The following MCTP1 variants were observed in gnomAD, a reference collection of about 807,000 sequenced individuals.
The protein encoded by MCTP1 is multiple C2 and transmembrane domain-containing protein 1.
Under a neutral mutation model 120.6 loss-of-function variants are expected in MCTP1, and 69 were observed. The ratio of observed to expected loss-of-function variants is 0.57; its 90% CI spans 0.47 to 0.70. The LOEUF (loss-of-function observed/expected upper bound fraction) is 0.70, where lower values mean the gene tolerates loss of function less well. Ranked by LOEUF, MCTP1 falls within the 30% of genes least tolerant of loss-of-function variation. The probability of loss-of-function intolerance (pLI) is 0.00; values close to 1 mark genes in which losing one functional copy is unlikely to be tolerated. For synonymous variants in MCTP1, 529 were observed against 493.1 expected, an observed-to-expected ratio of 1.07 and a Z score of -0.96; for missense variants, 1,203 against 1,248.8, an observed-to-expected ratio of 0.96 and a Z score of 0.55.
chr5:94,973,629 T>G (rs1242074606), intron 2 of MCTP1, among the ~76,000 whole-genome samples: 1 of 152,186 alleles, frequency 6.6e-6, no homozygotes, highest in East Asian at 1.9e-4. Flanking sequence ...CATACATTAC[T>G]GTTAATATAT....
chr5:94,717,806 G>A (rs1162777065), intron 19 of MCTP1, among the ~76,000 whole-genome samples: 1 of 151,986 alleles, frequency 6.6e-6, no homozygotes, highest in African/African-American at 2.4e-5. Context: ...AGGAATACAG[G>A]TAACAAGGGA....
chr5:94,859,540 G>C (rs2153231525), intron 17 of MCTP1, among the ~76,000 whole-genome samples: 1 of 151,764 alleles, frequency 6.6e-6, no homozygotes, highest in Non-Finnish European at 1.5e-5. Flanking sequence ...TACATGTATG[G>C]AAATATCACA....
At chr5:95,261,035 G>T (rs1758424985) in intron 1 of MCTP1, among the ~76,000 whole-genome samples, 1 of 152,194 alleles carries the variant, frequency 6.6e-6, no homozygotes, top group Non-Finnish European at 1.5e-5. Context: ...ACCCAAAGAA[G>T]CTGAAGTCCC....
chr5:94,836,004 A>AAAAC (rs371248259), intron 17 of MCTP1, among the ~76,000 whole-genome samples: 6 of 151,694 alleles, frequency 4.0e-5, no homozygotes, highest in South Asian at 2.1e-4. Flanking sequence ...ACTCCATCTC[A>AAAAC]AAACAAACAA....
intron 1 of MCTP1, among the ~76,000 whole-genome samples, chr5:95,169,935 T>C (rs1239749380): frequency 6.6e-6 from 1 of 152,104 alleles, no homozygotes. Flanking sequence ...GCACAACTTT[T>C]CTTGCACATT....
intron 2 of MCTP1, among the ~76,000 whole-genome samples, chr5:94,954,169 C>CATGTATATATATGCATATAT (rs1821857105): frequency 1.2e-5 from 1 of 80,016 alleles, no homozygotes; most frequent in Non-Finnish European, 2.3e-5. Flanking sequence ...CATATATATA[C>CATGTATATATATGCATATAT]ATATATATAT....
chr5:95,010,252 T>C (rs1040575080), intron 2 of MCTP1, among the ~76,000 whole-genome samples: 1 of 152,124 alleles, frequency 6.6e-6, no homozygotes, highest in African/African-American at 2.4e-5. Context: ...TTCATCCAAT[T>C]GATCTCGAGT....
At chr5:94,968,450 T>C (rs1382225680) in intron 2 of MCTP1, among the ~76,000 whole-genome samples, 1 of 152,202 alleles carries the variant, frequency 6.6e-6, no homozygotes, top group Non-Finnish European at 1.5e-5. Flanking sequence ...TCCTTATATT[T>C]CATTATAGGG....
chr5:95,097,328 G>A (rs183610468), intron 1 of MCTP1, among the ~76,000 whole-genome samples: 3 of 152,304 alleles, frequency 2.0e-5, no homozygotes, highest in African/African-American at 7.2e-5. Context: ...ATAGAAGGGC[G>A]GGTCACTTTG....
chr5:95,079,903 G>C (rs56388311), intron 1 of MCTP1, among the ~76,000 whole-genome samples: 7,839 of 152,090 alleles, frequency 0.052, 222 homozygotes, highest in Middle Eastern at 0.075. Context: ...CACTGGTATA[G>C]TAGGACATAA....
chr5:95,159,214 T>A (rs1481247950), intron 1 of MCTP1, among the ~76,000 whole-genome samples: 2 of 152,182 alleles, frequency 1.3e-5, no homozygotes, highest in African/African-American at 4.8e-5. Flanking sequence ...CAATATCATG[T>A]CTCCAGATAT....
At chr5:95,083,226 T>A (rs1225025304) in intron 1 of MCTP1, among the ~76,000 whole-genome samples, 1 of 152,224 alleles carries the variant, frequency 6.6e-6, no homozygotes, top group Non-Finnish European at 1.5e-5. Flanking sequence ...TCACTGAATT[T>A]CCAGCAAATA....
intron 1 of MCTP1, among the ~76,000 whole-genome samples, chr5:95,155,343 T>G (rs547657156): frequency 2.0e-5 from 3 of 152,300 alleles, no homozygotes; most frequent in African/African-American, 7.2e-5. Context: ...GGTACATTCC[T>G]TATTCTAATG....
At chr5:95,051,479 A>T (rs919285978) in intron 1 of MCTP1, among the ~76,000 whole-genome samples, 1 of 152,186 alleles carries the variant, frequency 6.6e-6, no homozygotes, top group African/African-American at 2.4e-5. Flanking sequence ...TACCAGGGGA[A>T]CACTCTGCTG....
At position 94,935,554 on chromosome 5, in the gene MCTP1, G is replaced by C. The variant is rs186391948; in HGVS notation, c.1174-3563C>G. Among the ~76,000 whole-genome samples the C allele has an allele frequency of 2.8e-4, 42 of 151,976 alleles. No individual in the cohort carries two copies. The East Asian group carries it at 6.9e-3, about 25-fold the overall frequency. ...GATTGTTAGGATTTATCTGTAAAAG[G>C]CTCTTGAAACACATCTCTTTCATTC... On this transcript the variant is annotated intron_variant, in intron 5 of 22. Coordinates refer to ENST00000515393, the MANE Select transcript of MCTP1 (RefSeq NM_024717.7).
intron 2 of MCTP1, among the ~76,000 whole-genome samples, chr5:94,990,010 T>C (rs1831219691): frequency 6.6e-6 from 1 of 152,194 alleles, no homozygotes; most frequent in Admixed American, 6.5e-5. Flanking sequence ...AGTAACAGCA[T>C]GTAAACTGTT....
chr5:95,214,911 T>C (rs934373940), intron 1 of MCTP1, among the ~76,000 whole-genome samples: 1 of 151,588 alleles, frequency 6.6e-6, no homozygotes, highest in African/African-American at 2.4e-5. Context: ...ATATACCTAA[T>C]GTAAATGACG....
chr5:94,972,621 G>T (rs898029147), intron 2 of MCTP1, among the ~76,000 whole-genome samples: 1 of 152,046 alleles, frequency 6.6e-6, no homozygotes, highest in Non-Finnish European at 1.5e-5. Context: ...ATCTTTCTGG[G>T]GTTCATGTGG....
At chr5:95,177,935 G>A (rs1448052509) in intron 1 of MCTP1, among the ~76,000 whole-genome samples, 2 of 152,182 alleles carry the variant, frequency 1.3e-5, no homozygotes, top group African/African-American at 4.8e-5. Context: ...TCAGTGAGGT[G>A]GTGGGAAAGC....
Sources: allele counts gnomAD v4.1 joint callset (sites outside exome capture counted in the v4.1 genomes callset), GRCh38; gene constraint gnomAD v4.1.1; transcripts MANE v1.5; gene names NCBI Gene and HGNC (gene_info 2026-07-23, HGNC 2026-07-21).